Variants in KIFAP3 observed in about 807,000 individuals in gnomAD.
KIFAP3 encodes kinesin associated protein 3.
KIFAP3 carries 68 observed loss-of-function variants against 106.5 expected under a neutral mutation model. The ratio of observed to expected loss-of-function variants is 0.64; its 90% CI spans 0.53 to 0.78. KIFAP3 has a LOEUF of 0.78. Ranked by LOEUF, KIFAP3 falls within the 30% of genes least tolerant of loss-of-function variation. The pLI is 0.00. For missense variants in KIFAP3, 780 were observed against 941.8 expected, an observed-to-expected ratio of 0.83 and a Z score of 2.25; for synonymous variants, 320 against 311.5, an observed-to-expected ratio of 1.03 and a Z score of -0.29.
chr1:170,054,256 C>T (rs1188936232), intron 2 of KIFAP3, among the ~76,000 whole-genome samples: 3 of 152,134 alleles, frequency 2.0e-5, no homozygotes, highest in South Asian at 4.1e-4. Context: ...AGCTCATCAT[C>T]GGTCATTAGA....
intron 10 of KIFAP3, among the ~76,000 whole-genome samples, chr1:170,008,499 G>A (rs979248641): frequency 3.3e-5 from 5 of 151,746 alleles, no homozygotes; most frequent in African/African-American, 1.2e-4. Context: ...CATTTATGCA[G>A]CCAACAAACA....
intron 19 of KIFAP3, among the ~76,000 whole-genome samples, chr1:169,922,028 T>C (rs1320901415): frequency 6.6e-6 from 1 of 152,128 alleles, no homozygotes; most frequent in East Asian, 1.9e-4. Flanking sequence ...TGAAACAAAG[T>C]GGAAGAATCA....
At chr1:170,031,085 T>C (rs765223171) in intron 8 of KIFAP3, among the ~76,000 whole-genome samples, 2 of 151,778 alleles carry the variant, frequency 1.3e-5, no homozygotes, top group Admixed American at 6.6e-5. Context: ...ATGAAAACAA[T>C]TGCTTTCTTG....
chr1:170,062,037 T>C (rs1271680863), intron 1 of KIFAP3, among the ~76,000 whole-genome samples: 2 of 151,898 alleles, frequency 1.3e-5, no homozygotes, highest in African/African-American at 2.4e-5. Context: ...GGGGGAGGGA[T>C]AGCATTAGGA....
intron 9 of KIFAP3, among the ~76,000 whole-genome samples, chr1:170,017,040 C>G (rs150631292): frequency 2.6e-5 from 4 of 152,086 alleles, no homozygotes; most frequent in Non-Finnish European, 5.9e-5. Context: ...GGGCAGATCA[C>G]GAGGTCAAGA....
chr1:170,009,925 C>A lies in KIFAP3; in HGVS notation c.1183+6537G>T, dbSNP rs188400375. Among the ~76,000 whole-genome samples, 54 of 152,242 alleles carry A rather than the reference C, an allele frequency of 3.5e-4. 1 individual carries two copies. In the East Asian group the frequency reaches 9.8e-3, roughly 28 times the overall value. ...AACACTATAAAAATCCCCAAAAAGA[C>A]TGCATCTAACAATTAAGTAAAGCCA... On this transcript the variant is annotated intron_variant, in intron 10 of 19. Coordinates refer to ENST00000361580, the MANE Select transcript of KIFAP3 (RefSeq NM_014970.4).
chr1:169,940,863 A>G (rs374429771), intron 19 of KIFAP3, among the ~76,000 whole-genome samples: 26 of 152,044 alleles, frequency 1.7e-4, no homozygotes, highest in African/African-American at 6.0e-4. Flanking sequence ...TGGACTGTTC[A>G]TGTCCCCAAA....
intron 7 of KIFAP3, 115 bp from the exon 8 acceptor site, chr1:170,032,099 C>T (rs557896953): frequency 1.6e-6 from 1 of 636,136 alleles, no homozygotes; most frequent in African/African-American, 1.8e-5. Context: ...AGTTATTTTT[C>T]TCACCAAAAG....
chr1:170,084,447 T>C (rs1036343067), intron 1 of KIFAP3, among the ~76,000 whole-genome samples: 17 of 152,212 alleles, frequency 1.1e-4, no homozygotes, highest in Non-Finnish European at 2.4e-4. Flanking sequence ...AAGGAGCACA[T>C]GAACTAGTCA....
chr1:170,041,918 C>A (rs1346023881), intron 3 of KIFAP3: 5 of 1,285,956 alleles, frequency 3.9e-6, no homozygotes, highest in African/African-American at 1.5e-5. Flanking sequence ...GGAAGTACTC[C>A]TGGGCGATTT....
intron 9 of KIFAP3, among the ~76,000 whole-genome samples, chr1:170,017,090 C>T (rs944239046): frequency 3.3e-5 from 5 of 151,978 alleles, no homozygotes; most frequent in Non-Finnish European, 7.4e-5. Flanking sequence ...AACCCCATCT[C>T]GACTAAAAAT....
At chr1:169,945,558 C>A (rs564936523) in intron 19 of KIFAP3, among the ~76,000 whole-genome samples, 1 of 152,332 alleles carries the variant, frequency 6.6e-6, no homozygotes, top group South Asian at 2.1e-4. Flanking sequence ...AATAAAGTTA[C>A]AATAAATTTG....
chr1:170,023,080 A>G (rs894940522), intron 9 of KIFAP3, among the ~76,000 whole-genome samples: 1 of 152,092 alleles, frequency 6.6e-6, no homozygotes, highest in African/African-American at 2.4e-5. Context: ...ATATACTACC[A>G]TCTTATCATA....
intron 16 of KIFAP3, among the ~76,000 whole-genome samples, chr1:169,974,963 T>A (rs1666151108): frequency 6.6e-6 from 1 of 152,102 alleles, no homozygotes; most frequent in Non-Finnish European, 1.5e-5. Context: ...AATGGTGTAG[T>A]ATCTGCATAT....
chr1:170,046,210 C>CAAAAAAA lies in KIFAP3; in HGVS notation c.319+495_319+501dup, dbSNP rs60580320. ...CCAGATTAAACCTTTTTCTCTGCTG[C>CAAAAAAA]AAAAAAAAAAAAAAAAAAAGGAAAC... On this transcript the variant is annotated intron_variant, in intron 3 of 19. Coordinates refer to ENST00000361580, the MANE Select transcript of KIFAP3 (RefSeq NM_014970.4). Among the ~76,000 whole-genome samples the CAAAAAAA allele has an allele frequency of 4.2e-4, 24 of 56,934 alleles. 6 individuals carry two copies. The East Asian group carries it at 5.2e-3, about 12-fold the overall frequency. The allele number at this position is 56,934 out of a possible 152,430, so 37.4% of individuals were successfully genotyped here. A position where few individuals can be genotyped will look rare whatever the true frequency, so the allele number is the denominator to read the frequency against.
chr1:170,058,091 G>A (rs1670940160), intron 1 of KIFAP3, among the ~76,000 whole-genome samples: 1 of 152,056 alleles, frequency 6.6e-6, no homozygotes, highest in Admixed American at 6.6e-5. Flanking sequence ...AACTTCTGAA[G>A]TACATCCTTA....
intron 15 of KIFAP3, among the ~76,000 whole-genome samples, chr1:169,981,180 CT>C (rs1235081435): frequency 1.3e-5 from 2 of 152,158 alleles, no homozygotes; most frequent in Non-Finnish European, 2.9e-5. Context: ...TGTGGTTTTT[CT>C]TTCCATGGTT....
intron 11 of KIFAP3, among the ~76,000 whole-genome samples, chr1:169,989,742 T>C (rs1667008486): frequency 6.6e-6 from 1 of 152,056 alleles, no homozygotes. Flanking sequence ...GATATAAAAG[T>C]CTAAGAAATT....
Position 169,992,271 on chromosome 1 carries a change from C to T in KIFAP3, c.1184-16G>A. ...TTGTCATTGCCTAGGAATAAAACAT[C>T]ATGGTGATGATGCTATAAATATATA... is the stretch of plus-strand genomic sequence containing the variant. On this transcript the variant is annotated splice_polypyrimidine_tract_variant and intron_variant, in intron 10 of 19. Transcript: ENST00000361580. 7.2e-7 allele frequency: 1 copy of T among 1,379,854 alleles called. No individual in the cohort carries two copies. The highest frequency in any genetic ancestry group is 1.0e-6 in the Non-Finnish European group (1 of 998,568). The allele number at this position is 1,379,854 out of a possible 1,614,324, so 85.5% of individuals were successfully genotyped here. A position where few individuals can be genotyped will look rare whatever the true frequency, so the allele number is the denominator to read the frequency against.
Sources: allele counts gnomAD v4.1 joint callset (sites outside exome capture counted in the v4.1 genomes callset), GRCh38; gene constraint gnomAD v4.1.1; transcripts MANE v1.5; gene names NCBI Gene and HGNC (gene_info 2026-07-23, HGNC 2026-07-21).